The following CYB5R4 variants were observed in gnomAD, a reference collection of about 807,000 sequenced individuals.
CYB5R4 encodes the protein N-terminal cytochrome b5 and cytochrome b5 oxidoreductase domain-containing protein.
CYB5R4 carries 55 observed loss-of-function variants against 70.2 expected under a neutral mutation model. The ratio of observed to expected loss-of-function variants is 0.78; its 90% CI spans 0.63 to 0.98. CYB5R4 has a LOEUF of 0.98. Among genes scored for constraint, CYB5R4 ranks in the 50% least tolerant of loss-of-function variants. The pLI, the probability that CYB5R4 is intolerant of heterozygous loss-of-function variation, is 0.00. For missense variants in CYB5R4, 562 were observed against 612.6 expected, an observed-to-expected ratio of 0.92 and a Z score of 0.87; for synonymous variants, 197 against 199.5, an observed-to-expected ratio of 0.99 and a Z score of 0.11.
intron 2 of CYB5R4, among the ~76,000 whole-genome samples, chr6:83,870,495 A>T (rs1193327710): frequency 6.6e-6 from 1 of 150,472 alleles, no homozygotes; most frequent in Non-Finnish European, 1.5e-5. Flanking sequence ...TTCTGTTTTC[A>T]GAAACTGCAG....
At chr6:83,894,671 T>A (rs1373091757) in intron 3 of CYB5R4, among the ~76,000 whole-genome samples, 1 of 152,168 alleles carries the variant, frequency 6.6e-6, no homozygotes, top group East Asian at 1.9e-4. Flanking sequence ...ACATAAACAG[T>A]CAATTAACAT....
chr6:83,861,430 G>C (rs1362316818), intron 1 of CYB5R4, among the ~76,000 whole-genome samples: 5 of 152,204 alleles, frequency 3.3e-5, no homozygotes, highest in Non-Finnish European at 7.3e-5. Context: ...TTATACAAAA[G>C]GTTCTCAAAT....
At position 83,955,435 on chromosome 6, in the gene CYB5R4, C is replaced by A; in HGVS notation, c.1484C>A (p.Pro495Gln). The stretch of plus-strand genomic sequence containing the variant: ...AAAGTTCTCGTCTGCATTTGTGGAC[C>A]AGTGCCATTTACAGAACAAGGAGTA... ...KSKVLVCICGPVPFTEQGVRL... is the reference protein window; with the variant it reads ...KSKVLVCICGQVPFTEQGVRL... The change falls in exon 15 of 16, where the codon CCA becomes CAA. Residue 495 changes from proline (P) to glutamine (Q), a missense_variant. By Grantham distance (76) the Pro-to-Gln change is moderately conservative. Transcript: ENST00000369681. The A allele has an allele frequency of 6.2e-7, 1 of 1,613,724 alleles. No homozygotes were observed. Among genetic ancestry groups the A allele is most frequent in the African/African-American group, 1.3e-5 (1 of 74,978 alleles).
At chr6:83,875,925 A>C (rs957113341) in intron 2 of CYB5R4, among the ~76,000 whole-genome samples, 1 of 152,068 alleles carries the variant, frequency 6.6e-6, no homozygotes, top group Non-Finnish European at 1.5e-5. Flanking sequence ...GGTATGTCTG[A>C]CTTTCTCGGA....
intron 12 of CYB5R4, among the ~76,000 whole-genome samples, chr6:83,938,089 T>C (rs1449199816): frequency 1.3e-5 from 2 of 152,238 alleles, no homozygotes; most frequent in African/African-American, 4.8e-5. Flanking sequence ...TTATGTCTAC[T>C]TCACATAATA....
At chr6:83,958,248 A>G (rs1261822950) in intron 15 of CYB5R4, among the ~76,000 whole-genome samples, 2 of 152,222 alleles carry the variant, frequency 1.3e-5, no homozygotes, top group Non-Finnish European at 2.9e-5. Flanking sequence ...AGAGGTTAGT[A>G]AAACAGTCTC....
intron 4 of CYB5R4, among the ~76,000 whole-genome samples, chr6:83,910,831 G>A (rs1242398909): frequency 6.6e-6 from 1 of 152,130 alleles, no homozygotes; most frequent in Admixed American, 6.5e-5. Context: ...GTGATTAAAT[G>A]AATAATGGAG....
intron 3 of CYB5R4, among the ~76,000 whole-genome samples, chr6:83,894,112 A>G (rs989791064): frequency 5.9e-5 from 9 of 152,224 alleles, no homozygotes; most frequent in African/African-American, 2.2e-4. Context: ...ATGAATAGAA[A>G]CTTATTTTTC....
At position 83,940,139 on chromosome 6, in the gene CYB5R4, G is replaced by GCTGGAACAGGCTTCACACC; in HGVS notation, c.1193_1211dup (p.Met405TrpfsTer9). ...ATTAGAAGATCTCTTTTTGTTGGCA[G>GCTGGAACAGGCTTCACACC]CTGGAACAGGCTTCACACCAATGGT... On this transcript the variant is annotated frameshift_variant, in exon 13 of 16. Coordinates refer to ENST00000369681, the MANE Select transcript of CYB5R4 (RefSeq NM_016230.4). LOFTEE classifies it high-confidence loss of function. The GCTGGAACAGGCTTCACACC allele has an allele frequency of 6.2e-7, 1 of 1,611,870 alleles. No homozygotes were observed. The highest frequency in any genetic ancestry group is 8.5e-7 in the Non-Finnish European group (1 of 1,178,476).
rs529733801 is a variant in CYB5R4 at position 83,931,872 on chromosome 6, A to G, written c.815-2723A>G. Among the ~76,000 whole-genome samples the G allele has an allele frequency of 5.9e-5, 9 of 151,520 alleles. No individual in the cohort carries two copies. In the East Asian group the frequency reaches 1.8e-3, roughly 29 times the overall value. On this transcript the variant is annotated intron_variant, in intron 10 of 15. Coordinates refer to ENST00000369681, the MANE Select transcript of CYB5R4 (RefSeq NM_016230.4). ...ATGTGCAGGTTTGTTACATATGTAT[A>G]CTTGTGCCATGTTGGTGTGCTGCAC... is the stretch of plus-strand genomic sequence containing the variant.
At chr6:83,870,100 A>G (rs1193987898) in intron 2 of CYB5R4, among the ~76,000 whole-genome samples, 6 of 152,236 alleles carry the variant, frequency 3.9e-5, no homozygotes, top group Non-Finnish European at 7.3e-5. Context: ...AGCAACACAC[A>G]TTAAACAAGT....
chr6:83,907,007 C>T (rs2099463874), intron 3 of CYB5R4, among the ~76,000 whole-genome samples: 1 of 152,074 alleles, frequency 6.6e-6, no homozygotes, highest in South Asian at 2.1e-4. Context: ...ATCCTGGTAC[C>T]TACATCTTTA....
In CYB5R4 at chr6:83,963,930, G is replaced by A. The variant is rs376441770; in HGVS notation, c.*4052G>A. Reference sequence around the variant, plus strand: ...TGAATAACTCTCACAAGACCTGGTGGTTTTATCAGGGGTTTCCGCTTTTGC... The same window carrying A: ...TGAATAACTCTCACAAGACCTGGTGATTTTATCAGGGGTTTCCGCTTTTGC... On this transcript the variant is annotated 3_prime_UTR_variant, in exon 16 of 16. Coordinates refer to ENST00000369681, the MANE Select transcript of CYB5R4 (RefSeq NM_016230.4). 3.8e-4 allele frequency: 72 copies of A among 188,640 alleles called. No individual in the cohort carries two copies. In the South Asian group the frequency reaches 8.6e-3, roughly 23 times the overall value. The allele number at this position is 188,640 out of a possible 1,614,324, so 11.7% of individuals were successfully genotyped here. A position where few individuals can be genotyped will look rare whatever the true frequency, so the allele number is the denominator to read the frequency against.
At chr6:83,874,483 T>C (rs1051652555) in intron 2 of CYB5R4, among the ~76,000 whole-genome samples, 3 of 151,502 alleles carry the variant, frequency 2.0e-5, no homozygotes, top group Non-Finnish European at 4.4e-5. Flanking sequence ...AATGAGCCAC[T>C]GTGCCAGGCC....
intron 3 of CYB5R4, among the ~76,000 whole-genome samples, chr6:83,896,569 C>T (rs575094333): frequency 1.8e-4 from 28 of 152,278 alleles, no homozygotes; most frequent in African/African-American, 6.7e-4. Context: ...TCTCCAGTTC[C>T]TTCCATGTTG....
At chr6:83,950,078 A>G (rs527895111) in intron 14 of CYB5R4, among the ~76,000 whole-genome samples, 1 of 152,280 alleles carries the variant, frequency 6.6e-6, no homozygotes, top group South Asian at 2.1e-4. Flanking sequence ...ATTTTCCCTA[A>G]TTACTGCCCT....
chr6:83,918,111 CAAAA>C, intron 6 of CYB5R4, 46 bp downstream of exon 6: 3 of 1,368,940 alleles, frequency 2.2e-6, no homozygotes, highest in Non-Finnish European at 2.1e-6. Flanking sequence ...CAATTATGTA[CAAAA>C]ATGTACACAT....
Position 83,909,055 on chromosome 6 carries a change from T to C in CYB5R4, c.377T>C (p.Val126Ala), listed in dbSNP as rs1358679464. Residue 126 changes from valine (V) to alanine (A), a missense_variant, in exon 4 of 16, where the codon GTT becomes GCT. Physicochemically the swap from Val to Ala is moderately conservative, Grantham distance 64 (BLOSUM62 0). Coordinates refer to ENST00000369681, the MANE Select transcript of CYB5R4 (RefSeq NM_016230.4). ...GAATCCATGCTGAAAGAATGCCTGG[T>C]TGGCAGAATGGCCATTAAACCTGCT... ...NYESMLKECL[V>A]GRMAIKPAVL... 1.9e-6 allele frequency: 3 copies of C among 1,613,872 alleles called. No individual in the cohort carries two copies. The highest frequency in any genetic ancestry group is 2.5e-6 in the Non-Finnish European group (3 of 1,179,906).
chr6:83,900,415 G>A (rs977657622), intron 3 of CYB5R4, among the ~76,000 whole-genome samples: 1 of 152,210 alleles, frequency 6.6e-6, no homozygotes, highest in East Asian at 1.9e-4. Flanking sequence ...AATAAGTGCG[G>A]TGTGGTGCTG....
Sources: allele counts gnomAD v4.1 joint callset (sites outside exome capture counted in the v4.1 genomes callset), GRCh38; gene constraint gnomAD v4.1.1; transcripts MANE v1.5; gene names NCBI Gene and HGNC (gene_info 2026-07-23, HGNC 2026-07-21).